BSDC1: variants seen among roughly 807,000 people sequenced by gnomAD.
The protein encoded by BSDC1 is BSD domain containing 1, also known as BSD domain-containing protein 1.
In BSDC1, 29 loss-of-function variants were observed where a neutral mutation model predicts 56.0. The observed-to-expected ratio is 0.52, with a 90% CI of 0.39 to 0.71. The LOEUF (loss-of-function observed/expected upper bound fraction) is 0.71, where lower values mean the gene tolerates loss of function less well. Ranked by LOEUF, BSDC1 falls within the 30% of genes least tolerant of loss-of-function variation. The pLI is 0.00. For missense variants in BSDC1, 477 were observed against 548.5 expected (o/e 0.87, Z 1.30); for synonymous variants, 210 against 215.3 (o/e 0.98, Z 0.21).
At chr1:32,368,676 G>C in intron 9 of BSDC1, 126 bp from the exon 10 acceptor site, 1 of 1,355,462 alleles carries the variant, frequency 7.4e-7, no homozygotes, top group South Asian at 1.5e-5. Context: ...TACATTTTGT[G>C]TTCACTCTGG....
At chr1:32,379,868 TTCTG>T (rs1642422527) in intron 5 of BSDC1, among the ~76,000 whole-genome samples, 1 of 152,224 alleles carries the variant, frequency 6.6e-6, no homozygotes, top group Non-Finnish European at 1.5e-5. Flanking sequence ...TCTTCCTGTC[TTCTG>T]TCTTTCTCTC....
chr1:32,388,472 A>C (rs553168655), intron 2 of BSDC1, among the ~76,000 whole-genome samples: 1 of 152,226 alleles, frequency 6.6e-6, no homozygotes, highest in East Asian at 1.9e-4. Context: ...AGGCCAACTT[A>C]TTCTTTCACC....
At position 32,394,315 on chromosome 1, in the gene BSDC1, T is replaced by C. The variant is rs1642977172; in HGVS notation, c.11+89A>G. 1.9e-6 allele frequency: 3 copies of C among 1,602,810 alleles called. No homozygotes were observed. In the East Asian group the frequency reaches 6.7e-5, roughly 36 times the overall value. On this transcript the variant is annotated intron_variant, in intron 1 of 10. Coordinates refer to ENST00000455895, the MANE Select transcript of BSDC1 (RefSeq NM_018045.8). Reference sequence around the variant, plus strand: ...TCAGATCAGTCCACGCCCCCGCTGATCTCACGTTCCCCACCGGGACTCTCG... The same window carrying C: ...TCAGATCAGTCCACGCCCCCGCTGACCTCACGTTCCCCACCGGGACTCTCG...
In BSDC1 at chr1:32,368,547, G is replaced by C; in HGVS notation, c.1160C>G (p.Ser387Ter). ...CCAGTCCTCACTGATGTCCGTGCTT[G>C]AGCCTGGAACCACGAGCCACAGTGT... ...STPSNNGKKG[S>*]STDISEDWEK... The change falls in exon 10 of 11, where the codon TCA becomes TGA. Residue 387 changes from serine to a stop codon, truncating the protein, a stop_gained. Coordinates refer to ENST00000455895, the MANE Select transcript of BSDC1 (RefSeq NM_018045.8). LOFTEE classifies it high-confidence loss of function. The C allele has an allele frequency of 6.2e-7, 1 of 1,614,150 alleles. No homozygotes were observed. The highest frequency in any genetic ancestry group is 8.5e-7 in the Non-Finnish European group (1 of 1,180,022).
intron 4 of BSDC1, among the ~76,000 whole-genome samples, chr1:32,383,527 A>C (rs564146021): frequency 6.6e-6 from 1 of 152,200 alleles, no homozygotes; most frequent in South Asian, 2.1e-4. Flanking sequence ...ACAAAACTGC[A>C]TGTATAAAAT....
At position 32,378,296 on chromosome 1, in the gene BSDC1, G is replaced by GA. The variant is rs754014924; in HGVS notation, c.529-14dup. Reference sequence around the variant, plus strand: ...CAGCTGCTGGAACCTGGAGGGAGGGGAAAATGGAGGTGAGACTTTGGGAGT... The same window carrying GA: ...CAGCTGCTGGAACCTGGAGGGAGGGGAAAAATGGAGGTGAGACTTTGGGAGT... On this transcript the variant is annotated splice_polypyrimidine_tract_variant and intron_variant, in intron 6 of 10. Coordinates refer to ENST00000455895, the MANE Select transcript of BSDC1 (RefSeq NM_018045.8). The surrounding 1 kb of genome is among the most constrained non-coding windows in gnomAD (Gnocchi z 5.2). The GA allele has an allele frequency of 6.2e-7, 1 of 1,613,686 alleles. No homozygotes were observed. The highest frequency in any genetic ancestry group is 2.2e-5 in the East Asian group (1 of 44,878).
chr1:32,375,744 G>A (rs367588305), intron 9 of BSDC1, among the ~76,000 whole-genome samples: 30 of 152,262 alleles, frequency 2.0e-4, no homozygotes, highest in South Asian at 8.3e-4. Flanking sequence ...CTTTCCTAAG[G>A]TTACACAGGA....
At chr1:32,390,451 G>A (rs1461392864) in intron 2 of BSDC1, among the ~76,000 whole-genome samples, 1 of 152,216 alleles carries the variant, frequency 6.6e-6, no homozygotes, top group African/African-American at 2.4e-5. Flanking sequence ...AAGCACCACA[G>A]GCTGCTAAAA....
chr1:32,374,940 C>A (rs1642222370), intron 9 of BSDC1, among the ~76,000 whole-genome samples: 1 of 152,120 alleles, frequency 6.6e-6, no homozygotes, highest in Non-Finnish European at 1.5e-5. Flanking sequence ...ATCACAAGGT[C>A]AGGAGATCGA....
intron 2 of BSDC1, among the ~76,000 whole-genome samples, chr1:32,387,145 G>A (rs1451123161): frequency 6.6e-6 from 1 of 152,190 alleles, no homozygotes; most frequent in Non-Finnish European, 1.5e-5. Flanking sequence ...CAAGCTATGT[G>A]GCCATGAGTA....
At chr1:32,379,109 G>A (rs746654841) in intron 5 of BSDC1, among the ~76,000 whole-genome samples, 28 of 152,062 alleles carry the variant, frequency 1.8e-4, no homozygotes, top group Non-Finnish European at 2.8e-4. Flanking sequence ...CTCTGAAACA[G>A]CTGTTCTCAG....
chr1:32,382,003 G>T (rs570765566), intron 4 of BSDC1, among the ~76,000 whole-genome samples: 1 of 152,234 alleles, frequency 6.6e-6, no homozygotes, highest in Non-Finnish European at 1.5e-5. Flanking sequence ...AAGGTAGGTG[G>T]ATCTCTGGAG....
At position 32,376,407 on chromosome 1, in the gene BSDC1, T is replaced by G. The variant is rs1642284876; in HGVS notation, c.1011A>C (p.Leu337=). ...GPSPPIHSKP[L]TPAGHTGGPE... is the part of the protein sequence containing the mutation. ...GGCCGCCGGTGTGGCCAGCAGGCGT[T>G]AGGGGCTTGGAGTGAATAGGGGGTG... Residue 337 remains leucine (L), a synonymous_variant, in exon 9 of 11, where the codon CTA becomes CTC. Transcript: ENST00000455895. 6.2e-7 allele frequency: 1 copy of G among 1,613,580 alleles called. No homozygotes were observed. The highest frequency in any genetic ancestry group is 1.7e-5 in the Admixed American group (1 of 59,972).
At position 32,383,903 on chromosome 1, in the gene BSDC1, T is replaced by C; in HGVS notation, c.284A>G (p.Lys95Arg). Residue 95 changes from lysine to arginine, a missense_variant, in exon 4 of 11, where the codon AAA becomes AGA. Coordinates refer to ENST00000455895, the MANE Select transcript of BSDC1 (RefSeq NM_018045.8). ...GGTGATGACATCGCAGTCGATGGTT[T>C]TGTCTGGCGAAGGGGCAAAGGTGTC... ...ISDTFAPSPD[K>R]TIDCDVITLM... 1.2e-6 allele frequency: 2 copies of C among 1,612,458 alleles called. No homozygotes were observed. Among genetic ancestry groups the C allele is most frequent in the African/African-American group, 1.3e-5 (1 of 74,930 alleles).
chr1:32,375,722 G>A (rs1359876250), intron 9 of BSDC1, among the ~76,000 whole-genome samples: 1 of 152,216 alleles, frequency 6.6e-6, no homozygotes, highest in African/African-American at 2.4e-5. Flanking sequence ...AAGGCTTGGG[G>A]AAGCTGAATG....
chr1:32,386,923 G>A (rs775453650), intron 2 of BSDC1, 28 bp from the exon 3 acceptor site: 33 of 1,561,594 alleles, frequency 2.1e-5, no homozygotes, highest in Admixed American at 5.0e-5. Context: ...GGGATGCCAG[G>A]GCCAGCTGGC....
chr1:32,388,633 A>G (rs1642753187), intron 2 of BSDC1, among the ~76,000 whole-genome samples: 1 of 152,178 alleles, frequency 6.6e-6, no homozygotes, highest in Non-Finnish European at 1.5e-5. Context: ...ACCTTTACTT[A>G]CAAAGCCTAT....
chr1:32,369,478 C>T (rs1349197219), intron 9 of BSDC1: 3 of 338,476 alleles, frequency 8.9e-6, no homozygotes, highest in African/African-American at 4.4e-5. Context: ...CACTGCAGTC[C>T]AGCCTGTTGA....
At chr1:32,381,318 A>G in intron 4 of BSDC1, 50 bp from the exon 5 acceptor site, 12 of 1,562,246 alleles carry the variant, frequency 7.7e-6, no homozygotes, top group Non-Finnish European at 1.1e-5. Flanking sequence ...TACTGGGCAT[A>G]GAAAGCACCC....
Sources: gnomAD v4.1 joint callset for allele counts (sites outside exome capture counted in the v4.1 genomes callset) on GRCh38, gnomAD v4.1.1 for gene constraint, Gnocchi (gnomAD v3.1) non-coding constraint, MANE v1.5 for transcripts, NCBI Gene and HGNC (gene_info 2026-07-23, HGNC 2026-07-21) for gene names.